WNT3A: variants seen among roughly 807,000 people sequenced by gnomAD.
WNT3A encodes the protein protein Wnt-3a.
In WNT3A, 17 loss-of-function variants were observed where a neutral mutation model predicts 37.0. That is an observed-to-expected ratio of 0.46 (90% CI 0.31 to 0.69). The LOEUF (loss-of-function observed/expected upper bound fraction) is 0.69. Ranked by LOEUF, WNT3A falls within the 30% of genes least tolerant of loss-of-function variation. WNT3A has a pLI of 0.05. For synonymous variants in WNT3A, 187 were observed against 211.0 expected (o/e 0.89, Z 0.99); for missense variants, 411 against 510.2 (o/e 0.81, Z 1.87).
Position 228,038,063 on chromosome 1 carries a change from G to C in WNT3A, c.314-12593G>C, listed in dbSNP as rs535088510. 2.0e-5 allele frequency among the ~76,000 whole-genome samples: 3 copies of C among 152,012 alleles called. No homozygotes were observed. The highest frequency in any genetic ancestry group is 7.2e-5 in the African/African-American group (3 of 41,426). On this transcript the variant is annotated intron_variant, in intron 2 of 3. Transcript: ENST00000284523. This position sits in a 1 kb window ranked among gnomAD's most constrained non-coding sequence, Gnocchi z 5.7. ...TCAAGCGCCCCAGCGGGTCAGCACGGCGCCCGGCCGCGCGGGCCGCCCGGC... is the reference window on the plus strand; with the variant it reads ...TCAAGCGCCCCAGCGGGTCAGCACGCCGCCCGGCCGCGCGGGCCGCCCGGC...
In WNT3A at chr1:228,031,216, G is replaced by T. The variant is rs752736028; in HGVS notation, c.313+8308G>T. Among the ~76,000 whole-genome samples the T allele has an allele frequency of 2.6e-5, 4 of 152,246 alleles. No individual in the cohort carries two copies. The highest frequency in any genetic ancestry group is 9.6e-5 in the African/African-American group (4 of 41,460). On this transcript the variant is annotated intron_variant, in intron 2 of 3. Transcript: ENST00000284523. This position sits in a 1 kb window ranked among gnomAD's most constrained non-coding sequence, Gnocchi z 4.8. Reference sequence around the variant, plus strand: ...ACTGTGGGTCTGGGATGAGGAGGACGTCCCTGAAGGACAAGTCAGGGTCCC... The same window carrying T: ...ACTGTGGGTCTGGGATGAGGAGGACTTCCCTGAAGGACAAGTCAGGGTCCC...
Position 228,059,739 on chromosome 1 carries a change from C to CG in WNT3A, c.*278dup. The CG allele has an allele frequency of 1.6e-6, 2 of 1,261,784 alleles. No individual in the cohort carries two copies. Among genetic ancestry groups the CG allele is most frequent in the East Asian group, 7.2e-5 (2 of 27,838 alleles). 78.2% of individuals were successfully genotyped at this position (1,261,784 alleles called of 1,614,324 possible). A position where few individuals can be genotyped will look rare whatever the true frequency, so the allele number is the denominator to read the frequency against. ...CTCTGCGTTGGCTTCTCCCTGGGGA[C>CG]GGGGCTCCCCTGGACAGAGGCGGGG... On this transcript the variant is annotated 3_prime_UTR_variant, in exon 4 of 4. Transcript: ENST00000284523.
At chr1:228,055,219 T>TATATATACACACACAC (rs1422386068) in intron 3 of WNT3A, among the ~76,000 whole-genome samples, 1 of 98,470 alleles carries the variant, frequency 1.0e-5, no homozygotes, top group East Asian at 3.3e-4. Flanking sequence ...TATATATATA[T>TATATATACACACACAC]ACACACACAC....
chr1:228,041,527 C>T (rs953815673), intron 2 of WNT3A, among the ~76,000 whole-genome samples: 2 of 151,700 alleles, frequency 1.3e-5, no homozygotes, highest in Non-Finnish European at 2.9e-5. Flanking sequence ...ATTCATCCAT[C>T]CATCCATCCA....
intron 2 of WNT3A, among the ~76,000 whole-genome samples, chr1:228,044,858 G>T (rs1448250216): frequency 6.6e-6 from 1 of 152,242 alleles, no homozygotes; most frequent in East Asian, 1.9e-4. Flanking sequence ...GCAGCCTGCA[G>T]CTTCTACTTC....
chr1:228,047,283 A>G (rs193007441), intron 2 of WNT3A, among the ~76,000 whole-genome samples: 3 of 152,290 alleles, frequency 2.0e-5, no homozygotes, highest in East Asian at 3.9e-4. Flanking sequence ...CTGTTGGCCA[A>G]TCCACAGAAA....
intron 3 of WNT3A, among the ~76,000 whole-genome samples, chr1:228,057,200 C>A (rs751141400): frequency 3.9e-5 from 6 of 152,168 alleles, no homozygotes; most frequent in Admixed American, 6.5e-5. Context: ...AGTCCCAATA[C>A]CACCAGCAGT....
At position 228,025,524 on chromosome 1, in the gene WNT3A, T is replaced by A. The variant is rs141956803; in HGVS notation, c.313+2616T>A. Among the ~76,000 whole-genome samples, 10 of 152,258 alleles carry A rather than the reference T, an allele frequency of 6.6e-5. No individual in the cohort carries two copies. The East Asian group carries it at 1.9e-3, about 29-fold the overall frequency. Reference sequence around the variant, plus strand: ...CCACCATGCCCTCCCAGTGTTTGTATTTTTTGTAGAGATGGGATTTTGCTG... The same window carrying A: ...CCACCATGCCCTCCCAGTGTTTGTAATTTTTGTAGAGATGGGATTTTGCTG... On this transcript the variant is annotated intron_variant, in intron 2 of 3. Coordinates refer to ENST00000284523, the MANE Select transcript of WNT3A (RefSeq NM_033131.4).
rs767062258 is a variant in WNT3A at position 228,022,706 on chromosome 1, G to A, written c.111G>A (p.Ser37=). 25 of 1,613,972 alleles carry A rather than the reference G, an allele frequency of 1.5e-5. No homozygotes were observed. The East Asian group carries it at 2.0e-4, about 13-fold the overall frequency. The change falls in exon 2 of 4, where the codon TCG becomes TCA. Residue 37 remains serine, a synonymous_variant. Transcript: ENST00000284523. ...AVGPQYSSLG[S]QPILCASIPG... ...GGCCACAGTATTCCTCCCTGGGCTC[G>A]CAGCCCATCCTGTGTGCCAGCATCC...
chr1:228,030,233 A>G (rs2030966578), intron 2 of WNT3A, among the ~76,000 whole-genome samples: 1 of 151,898 alleles, frequency 6.6e-6, no homozygotes, highest in Non-Finnish European at 1.5e-5. Context: ...TGCCTCTACT[A>G]AAATACAAAA....
At chr1:228,030,351 G>A (rs2030970140) in intron 2 of WNT3A, among the ~76,000 whole-genome samples, 1 of 150,540 alleles carries the variant, frequency 6.6e-6, no homozygotes, top group Non-Finnish European at 1.5e-5. Context: ...AGCCGAGATC[G>A]CTTCACTGTA....
Position 228,050,009 on chromosome 1 carries a change from G to T in WNT3A, c.314-647G>T, listed in dbSNP as rs548633896. ...GCCAAGGCTGGTCTCAAACTCCTGG[G>T]CTCAAGCAATCCTCCCACCTCTGCC... On this transcript the variant is annotated intron_variant, in intron 2 of 3. Transcript: ENST00000284523. The surrounding 1 kb of genome is among the most constrained non-coding windows in gnomAD (Gnocchi z 5.0). 6.6e-6 allele frequency among the ~76,000 whole-genome samples: 1 copy of T among 152,052 alleles called. No homozygotes were observed. Among genetic ancestry groups the T allele is most frequent in the South Asian group, 2.1e-4 (1 of 4,800 alleles).
rs115462604 is a variant in WNT3A at position 228,010,789 on chromosome 1, C to G, written c.71+3590C>G. The stretch of plus-strand genomic sequence containing the variant: ...CATGCTCCCTCCAGGGTCTCCCTCA[C>G]ATCCCTCTGGGCCTCGAGCTTGTCA... On this transcript the variant is annotated intron_variant, in intron 1 of 3. Coordinates refer to ENST00000284523, the MANE Select transcript of WNT3A (RefSeq NM_033131.4). Among the ~76,000 whole-genome samples, 409 of 152,358 alleles carry G rather than the reference C, an allele frequency of 2.7e-3. 2 individuals are homozygous for G. Among genetic ancestry groups the G allele is most frequent in the African/African-American group, 9.1e-3 (378 of 41,578 alleles).
intron 3 of WNT3A, among the ~76,000 whole-genome samples, chr1:228,054,399 C>G (rs556315590): frequency 6.6e-6 from 1 of 150,390 alleles, no homozygotes; most frequent in East Asian, 2.0e-4. Flanking sequence ...CCGAGGTGGG[C>G]GGATCGTGAG....
At chr1:228,024,245 C>G (rs2030800492) in intron 2 of WNT3A, among the ~76,000 whole-genome samples, 1 of 152,252 alleles carries the variant, frequency 6.6e-6, no homozygotes, top group Non-Finnish European at 1.5e-5. Context: ...AACCATCACA[C>G]TATTTTCCAC....
chr1:228,058,888 T>A, intron 3 of WNT3A, 98 bp from the exon 4 acceptor site: 1 of 1,259,092 alleles, frequency 7.9e-7, no homozygotes. Flanking sequence ...CCGGGGGCTT[T>A]ATGGAGCAGG....
intron 3 of WNT3A, among the ~76,000 whole-genome samples, chr1:228,057,317 C>T (rs2031702218): frequency 1.3e-5 from 2 of 152,054 alleles, no homozygotes; most frequent in Non-Finnish European, 2.9e-5. Flanking sequence ...TGCCACCCAC[C>T]ATGGCTAGAG....
chr1:228,055,407 T>A (rs1350284604), intron 3 of WNT3A, among the ~76,000 whole-genome samples: 1 of 150,350 alleles, frequency 6.7e-6, no homozygotes, highest in Non-Finnish European at 1.5e-5. Context: ...AAAATATAAA[T>A]AGATACAGGT....
At chr1:228,055,195 T>A (rs1442478476) in intron 3 of WNT3A, among the ~76,000 whole-genome samples, 10 of 65,254 alleles carry the variant, frequency 1.5e-4, no homozygotes, top group African/African-American at 4.6e-4. Flanking sequence ...TATATATATA[T>A]ATATATATAT....
Sources: allele counts gnomAD v4.1 joint callset (sites outside exome capture counted in the v4.1 genomes callset), GRCh38; gene constraint gnomAD v4.1.1; non-coding constraint Gnocchi (gnomAD v3.1); transcripts MANE v1.5; gene names NCBI Gene and HGNC (gene_info 2026-07-23, HGNC 2026-07-21).